The following ADGRB3 variants were observed in gnomAD, a reference collection of about 807,000 sequenced individuals.
The protein encoded by ADGRB3 is adhesion G protein-coupled receptor B3.
ADGRB3 carries 37 observed loss-of-function variants against 193.4 expected under a neutral mutation model. That is an observed-to-expected ratio of 0.19 (90% confidence interval 0.15 to 0.25). ADGRB3 has a LOEUF of 0.25. Among genes scored for constraint, ADGRB3 ranks in the 10% least tolerant of loss-of-function variants. The pLI is 1.00. For synonymous variants in ADGRB3, 690 were observed against 644.2 expected (o/e 1.07, Z -1.08); for missense variants, 1,637 against 1,852.9 (o/e 0.88, Z 2.14).
At position 69,235,850 on chromosome 6, in the gene ADGRB3, C is replaced by T. The variant is rs1766252044; in HGVS notation, c.2711+715C>T. 4.6e-5 allele frequency among the ~76,000 whole-genome samples: 7 copies of T among 152,030 alleles called. No individual in the cohort carries two copies. In the South Asian group the frequency reaches 1.0e-3, roughly 23 times the overall value. On this transcript the variant is annotated intron_variant, in intron 19 of 31. Coordinates refer to ENST00000370598, the MANE Select transcript of ADGRB3 (RefSeq NM_001704.3). ...ACCTGTGAAGTTTATCGTCTACTCA[C>T]ATATTGATAAAATATATAGACATAT...
chr6:69,031,865 T>A (rs1446188151), intron 13 of ADGRB3, among the ~76,000 whole-genome samples: 2 of 151,932 alleles, frequency 1.3e-5, no homozygotes, highest in Non-Finnish European at 2.9e-5. Flanking sequence ...ACTCCTGGAC[T>A]CAAGAGATCT....
chr6:68,788,857 A>T (rs1380199866), intron 3 of ADGRB3, among the ~76,000 whole-genome samples: 1 of 152,230 alleles, frequency 6.6e-6, no homozygotes, highest in Non-Finnish European at 1.5e-5. Flanking sequence ...GTGCATATAC[A>T]TATAGGATAG....
chr6:69,196,843 G>T (rs1470541614), intron 17 of ADGRB3, among the ~76,000 whole-genome samples: 1 of 152,068 alleles, frequency 6.6e-6, no homozygotes, highest in Non-Finnish European at 1.5e-5. Context: ...TATCACAAAG[G>T]GTGATTTGTC....
intron 3 of ADGRB3, among the ~76,000 whole-genome samples, chr6:68,681,939 A>G (rs1764904718): frequency 1.3e-5 from 2 of 152,162 alleles, no homozygotes; most frequent in African/African-American, 4.8e-5. Context: ...GGGCAACAAT[A>G]CTATAAGTAA....
chr6:68,652,175 C>T (rs543785502), intron 3 of ADGRB3, among the ~76,000 whole-genome samples: 21 of 152,180 alleles, frequency 1.4e-4, no homozygotes, highest in African/African-American at 4.8e-4. Context: ...GGGTAGCGTC[C>T]GATAAGCGTT....
intron 3 of ADGRB3, among the ~76,000 whole-genome samples, chr6:68,854,891 G>T (rs1293918192): frequency 6.6e-6 from 1 of 152,134 alleles, no homozygotes; most frequent in Non-Finnish European, 1.5e-5. Flanking sequence ...TCTCTGGGAT[G>T]CTGGCCAAAG....
rs76720005 is a variant in ADGRB3 at position 69,334,880 on chromosome 6, G to T, written c.3188+1872G>T. Among the ~76,000 whole-genome samples, 832 of 152,222 alleles carry T rather than the reference G, an allele frequency of 5.5e-3. 1 individual carries two copies. The highest frequency in any genetic ancestry group is 7.6e-3 in the Non-Finnish European group (518 of 67,980). ...AACTCAGTCTCCTCATCTGTTAAAT[G>T]GGGAAAATAACCCCTGCCTCATAGA... On this transcript the variant is annotated intron_variant, in intron 24 of 31. Coordinates refer to ENST00000370598, the MANE Select transcript of ADGRB3 (RefSeq NM_001704.3).
At chr6:69,259,152 T>C (rs1210670733) in intron 20 of ADGRB3, among the ~76,000 whole-genome samples, 1 of 152,144 alleles carries the variant, frequency 6.6e-6, no homozygotes, top group Non-Finnish European at 1.5e-5. Flanking sequence ...GCCAAAAATA[T>C]ATCCTTTCGA....
At chr6:68,956,550 C>A in intron 7 of ADGRB3, 95 bp from the exon 8 acceptor site, 1 of 1,465,900 alleles carries the variant, frequency 6.8e-7, no homozygotes, top group Non-Finnish European at 9.4e-7. Flanking sequence ...AGTAGATTAA[C>A]AAAAATGGAA....
At chr6:69,375,788 C>A (rs1409005729) in intron 30 of ADGRB3, among the ~76,000 whole-genome samples, 1 of 151,846 alleles carries the variant, frequency 6.6e-6, no homozygotes. Context: ...ACTGAAAATA[C>A]AAAAATTAGC....
At chr6:69,344,246 G>T in intron 26 of ADGRB3, among the ~76,000 whole-genome samples, 1 of 152,096 alleles carries the variant, frequency 6.6e-6, no homozygotes, top group Non-Finnish European at 1.5e-5. Flanking sequence ...TCACTAACAG[G>T]GCCAAGCTCC....
rs773055451 is a variant in ADGRB3, at chr6:69,177,367, T to A, written c.2481-55923T>A. Among the ~76,000 whole-genome samples, 137 of 151,910 alleles carry A rather than the reference T, an allele frequency of 9.0e-4. 1 individual carries two copies. The highest frequency in any genetic ancestry group is 1.3e-3 in the Non-Finnish European group (88 of 67,894). ...TTTCAAAGATTTTTTTTTTTATTTTTATTTTTTTAGACAGAGTCTTGCTCT... is the reference window on the plus strand; with the variant it reads ...TTTCAAAGATTTTTTTTTTTATTTTAATTTTTTTAGACAGAGTCTTGCTCT... On this transcript the variant is annotated intron_variant, in intron 17 of 31. Coordinates refer to ENST00000370598, the MANE Select transcript of ADGRB3 (RefSeq NM_001704.3).
intron 30 of ADGRB3, among the ~76,000 whole-genome samples, chr6:69,372,809 C>A (rs1048336599): frequency 6.6e-6 from 1 of 151,948 alleles, no homozygotes; most frequent in African/African-American, 2.4e-5. Flanking sequence ...CAGTGACTGC[C>A]TGAAGAGATC....
At chr6:69,091,023 A>G (rs955942597) in intron 17 of ADGRB3, among the ~76,000 whole-genome samples, 4 of 152,238 alleles carry the variant, frequency 2.6e-5, no homozygotes, top group African/African-American at 4.8e-5. Context: ...CATGCAGCCA[A>G]TAATCATATG....
At chr6:69,083,275 T>C (rs1421245288) in intron 17 of ADGRB3, among the ~76,000 whole-genome samples, 2 of 152,210 alleles carry the variant, frequency 1.3e-5, no homozygotes, top group African/African-American at 4.8e-5. Context: ...TTGTAGCAAT[T>C]TGATATTTCT....
chr6:68,923,674 T>G (rs1297558355), intron 3 of ADGRB3, among the ~76,000 whole-genome samples: 1 of 152,178 alleles, frequency 6.6e-6, no homozygotes, highest in Admixed American at 6.5e-5. Context: ...TAAATGATAA[T>G]GAGCTTTGGT....
chr6:69,212,967 G>A (rs1194333065), intron 17 of ADGRB3, among the ~76,000 whole-genome samples: 3 of 152,094 alleles, frequency 2.0e-5, no homozygotes, highest in African/African-American at 7.2e-5. Flanking sequence ...GGAAGCTGAT[G>A]CATAGCTTGA....
At chr6:69,005,548 T>G (rs1176330303) in intron 11 of ADGRB3, among the ~76,000 whole-genome samples, 1 of 152,008 alleles carries the variant, frequency 6.6e-6, no homozygotes, top group Non-Finnish European at 1.5e-5. Flanking sequence ...TCTTAAAGAC[T>G]TTTTTCACAT....
At chr6:69,369,894 A>T (rs965948633) in intron 29 of ADGRB3, among the ~76,000 whole-genome samples, 2 of 152,144 alleles carry the variant, frequency 1.3e-5, no homozygotes, top group Non-Finnish European at 2.9e-5. Flanking sequence ...GCAATTGACA[A>T]GTAAAAGTTA....
Sources: allele counts gnomAD v4.1 joint callset (sites outside exome capture counted in the v4.1 genomes callset), GRCh38; gene constraint gnomAD v4.1.1; transcripts MANE v1.5; gene names NCBI Gene and HGNC (gene_info 2026-07-23, HGNC 2026-07-21).